CRK: variants seen among roughly 807,000 people sequenced by gnomAD.
CRK encodes CRK proto-oncogene, adaptor protein.
In CRK, 4 loss-of-function variants were observed where a neutral mutation model predicts 29.8. The observed-to-expected ratio is 0.13, with a 90% confidence interval of 0.07 to 0.31. The LOEUF is 0.31. Ranked by LOEUF, CRK falls within the 10% of genes least tolerant of loss-of-function variation. The probability of loss-of-function intolerance (pLI) is 1.00; values close to 1 mark genes in which losing one functional copy is unlikely to be tolerated. For missense variants in CRK, 274 were observed against 396.5 expected (o/e 0.69, Z 2.62); for synonymous variants, 153 against 164.9 (o/e 0.93, Z 0.55).
At chr17:1,441,870 TTC>T (rs2073937846) in intron 1 of CRK, among the ~76,000 whole-genome samples, 1 of 151,652 alleles carries the variant, frequency 6.6e-6, no homozygotes, top group South Asian at 2.1e-4. Context: ...TGTTTTTGTT[TTC>T]TGAGATAGGG....
At chr17:1,440,846 G>C (rs944665859) in intron 1 of CRK, among the ~76,000 whole-genome samples, 1 of 152,214 alleles carries the variant, frequency 6.6e-6, no homozygotes, top group Non-Finnish European at 1.5e-5. Context: ...CAAGGCTACC[G>C]TGAGTCGTGA....
In CRK at chr17:1,456,213, T is replaced by C. The variant is rs2074056504; in HGVS notation, c.-96A>G. 12 of 1,312,866 alleles carry C rather than the reference T, an allele frequency of 9.1e-6. No individual in the cohort carries two copies. Among genetic ancestry groups the C allele is most frequent in the African/African-American group, 1.6e-5 (1 of 63,984 alleles). The allele number at this position is 1,312,866 out of a possible 1,614,324, so 81.3% of individuals were successfully genotyped here. On this transcript the variant is annotated 5_prime_UTR_variant, in exon 1 of 3. Transcript: ENST00000300574. ...CCAGCGGACCGGCTCCGGTTTCAGCTTCACAGCAGCGCCCGAAATGGCGGC... is the reference window on the plus strand; with the variant it reads ...CCAGCGGACCGGCTCCGGTTTCAGCCTCACAGCAGCGCCCGAAATGGCGGC...
intron 2 of CRK, among the ~76,000 whole-genome samples, chr17:1,428,863 T>C (rs904674406): frequency 1.3e-5 from 2 of 150,266 alleles, no homozygotes; most frequent in Non-Finnish European, 3.0e-5. Context: ...CTTTTTTTTT[T>C]AGATGGAGCC....
At chr17:1,449,227 G>A (rs1325801327) in intron 1 of CRK, among the ~76,000 whole-genome samples, 2 of 152,134 alleles carry the variant, frequency 1.3e-5, no homozygotes, top group Admixed American at 6.6e-5. Flanking sequence ...TTATTTCCAA[G>A]TGCTGGACCC....
At chr17:1,445,689 C>A (rs2073969668) in intron 1 of CRK, among the ~76,000 whole-genome samples, 1 of 152,120 alleles carries the variant, frequency 6.6e-6, no homozygotes, top group Non-Finnish European at 1.5e-5. Flanking sequence ...TATGGAGAAA[C>A]TGTTTAGGAC....
chr17:1,437,159 G>GAAAAAAAAAAA lies in CRK; in HGVS notation c.242-5_242-4insTTTTTTTTTTT. 1 of 1,580,140 alleles carries GAAAAAAAAAAA rather than the reference G, an allele frequency of 6.3e-7. No individual in the cohort carries two copies. The highest frequency in any genetic ancestry group is 1.2e-5 in the South Asian group (1 of 86,154). The stretch of plus-strand genomic sequence containing the variant: ...CGGAGTCTGGAGGGGCTCACCCCTG[G>GAAAAAAAAAAA]AAAAAACAGAGCAGGCTGTTATTTA... On this transcript the variant is annotated splice_polypyrimidine_tract_variant and splice_region_variant and intron_variant, in intron 1 of 2. Coordinates refer to ENST00000300574, the MANE Select transcript of CRK (RefSeq NM_016823.4).
intron 2 of CRK, among the ~76,000 whole-genome samples, chr17:1,435,308 T>C (rs2073878427): frequency 6.6e-6 from 1 of 152,098 alleles, no homozygotes; most frequent in Non-Finnish European, 1.5e-5. Context: ...CACCTCGGCC[T>C]CCCAAGGTGC....
chr17:1,422,707 T>C lies in CRK; in HGVS notation c.*806A>G, dbSNP rs2073739735. ...CCCATTAGTTAGGACTCTAGTTAGC[T>C]GCTGTAGAAGGGTGACCTACTACGA... On this transcript the variant is annotated 3_prime_UTR_variant, in exon 3 of 3. Transcript: ENST00000300574. 5.4e-6 allele frequency: 2 copies of C among 372,246 alleles called. No homozygotes were observed. Among genetic ancestry groups the C allele is most frequent in the Admixed American group, 9.1e-5 (2 of 21,868 alleles). 23.1% of individuals were successfully genotyped at this position (372,246 alleles called of 1,614,324 possible).
At chr17:1,427,700 G>A (rs2073794736) in intron 2 of CRK, among the ~76,000 whole-genome samples, 1 of 151,774 alleles carries the variant, frequency 6.6e-6, no homozygotes, top group Non-Finnish European at 1.5e-5. Context: ...CGCTATCTTG[G>A]CTCACTGCAA....
At chr17:1,453,659 C>T (rs750362563) in intron 1 of CRK, among the ~76,000 whole-genome samples, 4 of 152,172 alleles carry the variant, frequency 2.6e-5, no homozygotes, top group Non-Finnish European at 4.4e-5. Context: ...GTAATCCCAA[C>T]ACTTTGGGAG....
chr17:1,453,222 C>T (rs1759523917), intron 1 of CRK, among the ~76,000 whole-genome samples: 1 of 152,172 alleles, frequency 6.6e-6, no homozygotes, highest in South Asian at 2.1e-4. Context: ...CAATCTTCAC[C>T]GTCTTTCCTC....
intron 1 of CRK, among the ~76,000 whole-genome samples, chr17:1,445,169 C>T (rs1334157203): frequency 2.6e-5 from 4 of 151,826 alleles, no homozygotes; most frequent in Middle Eastern, 3.2e-3. Context: ...AATCATTCCA[C>T]TATTGGAGAG....
rs2073892571 is a variant in CRK, at chr17:1,437,133, T to G, written c.264A>C (p.Arg88=). 5 of 1,610,996 alleles carry G rather than the reference T, an allele frequency of 3.1e-6. No individual in the cohort carries two copies. The Admixed American group carries it at 6.7e-5, about 22-fold the overall frequency. Residue 88 remains arginine (R), a synonymous_variant, in exon 2 of 3, where the codon CGA becomes CGC. Transcript: ENST00000300574. The part of the protein sequence containing the change: ...PPPGVSPSRL[R]IGDQEFDSLP... ...ATGAATCAAACTCTTGATCTCCTAT[T>G]CGGAGTCTGGAGGGGCTCACCCCTG... is the stretch of plus-strand genomic sequence containing the variant.
intron 1 of CRK, among the ~76,000 whole-genome samples, chr17:1,448,325 G>A (rs1329068801): frequency 1.3e-5 from 2 of 151,934 alleles, no homozygotes; most frequent in Non-Finnish European, 2.9e-5. Context: ...AATAAATAAA[G>A]TTCCTAAAGT....
chr17:1,427,934 A>AT (rs1304292812), intron 2 of CRK, among the ~76,000 whole-genome samples: 1 of 151,318 alleles, frequency 6.6e-6, no homozygotes, highest in African/African-American at 2.4e-5. Context: ...CGCCCAGCCT[A>AT]TATTGTCTTT....
intron 1 of CRK, among the ~76,000 whole-genome samples, chr17:1,450,640 TG>T (rs1399850471): frequency 6.6e-6 from 1 of 152,144 alleles, no homozygotes; most frequent in African/African-American, 2.4e-5. Context: ...CCCAGCACTT[TG>T]GGGAAGCCGA....
chr17:1,445,562 T>C (rs2073969045), intron 1 of CRK, among the ~76,000 whole-genome samples: 1 of 152,190 alleles, frequency 6.6e-6, no homozygotes, highest in South Asian at 2.1e-4. Context: ...CTGGAGATTC[T>C]CTTTATTGAG....
At chr17:1,455,775 G>C in intron 1 of CRK, 102 bp downstream of exon 1, 1 of 1,366,730 alleles carries the variant, frequency 7.3e-7, no homozygotes, top group South Asian at 1.7e-5. Flanking sequence ...CCAGCCCTCT[G>C]CCCACGACCC....
At chr17:1,432,283 G>GT (rs2073850803) in intron 2 of CRK, among the ~76,000 whole-genome samples, 1 of 150,922 alleles carries the variant, frequency 6.6e-6, no homozygotes, top group Admixed American at 6.6e-5. Context: ...GAGGCCAGGA[G>GT]TTTGAGACTA....
Sources: gnomAD v4.1 joint callset for allele counts (sites outside exome capture counted in the v4.1 genomes callset) on GRCh38, gnomAD v4.1.1 for gene constraint, MANE v1.5 for transcripts, NCBI Gene and HGNC (gene_info 2026-07-23, HGNC 2026-07-21) for gene names.